RNGTT: variants seen among roughly 807,000 people sequenced by gnomAD.
RNGTT encodes the protein mRNA-capping enzyme.
In RNGTT, 33 loss-of-function variants were observed where a neutral mutation model predicts 79.3. That is an observed-to-expected ratio of 0.42 (90% confidence interval 0.32 to 0.56). The LOEUF (loss-of-function observed/expected upper bound fraction) is 0.56, where lower values mean the gene tolerates loss of function less well. Among genes scored for constraint, RNGTT ranks in the 20% least tolerant of loss-of-function variants. The pLI is 0.17. For missense variants in RNGTT, 497 were observed against 739.1 expected (o/e 0.67, Z 3.80); for synonymous variants, 222 against 235.9 (o/e 0.94, Z 0.54).
chr6:88,661,504 C>T (rs1582293854), intron 14 of RNGTT, among the ~76,000 whole-genome samples: 2 of 151,774 alleles, frequency 1.3e-5, no homozygotes, highest in South Asian at 2.1e-4. Flanking sequence ...CAACTGATAC[C>T]ACAGAAATAC....
intron 12 of RNGTT, among the ~76,000 whole-genome samples, chr6:88,774,732 T>C (rs1434412298): frequency 6.6e-6 from 1 of 152,282 alleles, no homozygotes; most frequent in African/African-American, 2.4e-5. Context: ...AAATATTGTA[T>C]GATTCCACTT....
At chr6:88,641,176 T>C (rs1013400843) in intron 14 of RNGTT, among the ~76,000 whole-genome samples, 2 of 151,826 alleles carry the variant, frequency 1.3e-5, no homozygotes, top group African/African-American at 2.4e-5. Context: ...CTGTCTCTAC[T>C]AAAAATACAA....
At chr6:88,841,943 C>A (rs1255856348) in intron 11 of RNGTT, among the ~76,000 whole-genome samples, 1 of 152,178 alleles carries the variant, frequency 6.6e-6, no homozygotes, top group Non-Finnish European at 1.5e-5. Context: ...AAGCATGGGA[C>A]CATGTGGTAT....
intron 8 of RNGTT, among the ~76,000 whole-genome samples, chr6:88,861,095 A>G (rs1484840140): frequency 2.6e-5 from 4 of 152,122 alleles, no homozygotes; most frequent in African/African-American, 4.8e-5. Context: ...TTTCTCTCAT[A>G]AGAATTCACT....
chr6:88,767,792 T>C (rs1027076533), intron 13 of RNGTT, among the ~76,000 whole-genome samples: 1 of 151,000 alleles, frequency 6.6e-6, no homozygotes, highest in Non-Finnish European at 1.5e-5. Context: ...GAAGAACATA[T>C]CAAACCTACA....
intron 13 of RNGTT, among the ~76,000 whole-genome samples, chr6:88,701,860 G>C (rs1775959362): frequency 1.3e-5 from 2 of 151,958 alleles, no homozygotes; most frequent in Non-Finnish European, 2.9e-5. Flanking sequence ...GGGCTTCAGT[G>C]AAGTTTCAGG....
At chr6:88,635,491 G>A (rs1773066156) in intron 14 of RNGTT, among the ~76,000 whole-genome samples, 1 of 152,024 alleles carries the variant, frequency 6.6e-6, no homozygotes, top group East Asian at 1.9e-4. Context: ...TGCCCTTACA[G>A]TCAAAATATG....
At chr6:88,838,058 G>C (rs1168312829) in intron 11 of RNGTT, among the ~76,000 whole-genome samples, 1 of 152,082 alleles carries the variant, frequency 6.6e-6, no homozygotes, top group Non-Finnish European at 1.5e-5. Context: ...AAAAGTAAGA[G>C]AGTTCGATAA....
chr6:88,864,231 C>A (rs186347832), intron 8 of RNGTT, among the ~76,000 whole-genome samples: 1 of 152,226 alleles, frequency 6.6e-6, no homozygotes, highest in African/African-American at 2.4e-5. Flanking sequence ...TAAATGATCA[C>A]ATCATGGTGA....
At chr6:88,730,616 C>T (rs895593218) in intron 13 of RNGTT, among the ~76,000 whole-genome samples, 3 of 152,224 alleles carry the variant, frequency 2.0e-5, no homozygotes, top group African/African-American at 4.8e-5. Context: ...TGACAGCAGG[C>T]GGAGCTCAGG....
chr6:88,771,315 G>GTATATATATATA lies in RNGTT; in HGVS notation c.1339-1453_1339-1442dup, dbSNP rs539282627. Among the ~76,000 whole-genome samples, 130 of 62,026 alleles carry GTATATATATATA rather than the reference G, an allele frequency of 2.1e-3. 1 individual carries two copies. The highest frequency in any genetic ancestry group is 8.9e-3 in the East Asian group (18 of 2,018). The allele number at this position is 62,026 out of a possible 152,430, so 40.7% of individuals were successfully genotyped here. On this transcript the variant is annotated intron_variant, in intron 12 of 15. Transcript: ENST00000369485. ...ACTGTATGTATGTATGTGTGTGTGT[G>GTATATATATATA]TATATATATATATATATATATATAT...
chr6:88,945,784 A>C (rs576241105), intron 1 of RNGTT, among the ~76,000 whole-genome samples: 2 of 152,284 alleles, frequency 1.3e-5, no homozygotes, highest in South Asian at 4.1e-4. Context: ...ATACGGGCCA[A>C]AGTTAGCTAT....
intron 8 of RNGTT, among the ~76,000 whole-genome samples, chr6:88,872,267 G>T (rs1782382227): frequency 6.6e-6 from 1 of 152,104 alleles, no homozygotes; most frequent in African/African-American, 2.4e-5. Context: ...GGTAAGAAAT[G>T]GAGGTCTCAT....
Position 88,918,096 on chromosome 6 carries a change from T to C in RNGTT, c.367+10889A>G, listed in dbSNP as rs142122043. 5.0e-3 allele frequency among the ~76,000 whole-genome samples: 758 copies of C among 152,214 alleles called. 5 individuals carry two copies. Among genetic ancestry groups the C allele is most frequent in the African/African-American group, 0.017 (698 of 41,532 alleles). On this transcript the variant is annotated intron_variant, in intron 4 of 15. Coordinates refer to ENST00000369485, the MANE Select transcript of RNGTT (RefSeq NM_003800.5). ...ACTTTAGGAGGCCGAGGCGGGAATA[T>C]CACTTGAGGCCAGGAGTTCAAGACC... is the stretch of plus-strand genomic sequence containing the variant.
intron 13 of RNGTT, among the ~76,000 whole-genome samples, chr6:88,698,313 ATGAAATATATATG>A (rs1775825581): frequency 7.4e-6 from 1 of 134,428 alleles, no homozygotes; most frequent in Non-Finnish European, 1.5e-5. Flanking sequence ...AAATATATAT[ATGAAATATATATG>A]AATTTTGGTA....
chr6:88,675,320 A>G (rs991966707), intron 14 of RNGTT, among the ~76,000 whole-genome samples: 2 of 152,198 alleles, frequency 1.3e-5, no homozygotes, highest in Non-Finnish European at 2.9e-5. Flanking sequence ...CTTTCCCACT[A>G]AGATAAGAAG....
intron 13 of RNGTT, among the ~76,000 whole-genome samples, chr6:88,738,867 CA>C (rs35131886): frequency 3.6e-4 from 55 of 151,676 alleles, no homozygotes; most frequent in Admixed American, 1.3e-3. Context: ...CACACACACA[CA>C]CCCCTTCCAA....
rs758427923 is a variant in RNGTT, at chr6:88,867,963, C to T, written c.897-14199G>A. On this transcript the variant is annotated intron_variant, in intron 8 of 15. Transcript: ENST00000369485. Reference sequence around the variant, plus strand: ...TTACTATAGGGTTTTCCTGTGCCTCCGGCTGGGAAAGCCCCTTAGGCTTAG... The same window carrying T: ...TTACTATAGGGTTTTCCTGTGCCTCTGGCTGGGAAAGCCCCTTAGGCTTAG... Among the ~76,000 whole-genome samples the T allele has an allele frequency of 4.6e-5, 7 of 152,134 alleles. No homozygotes were observed. In the South Asian group the frequency reaches 6.2e-4, roughly 13 times the overall value.
intron 13 of RNGTT, among the ~76,000 whole-genome samples, chr6:88,716,726 C>T (rs932691957): frequency 5.9e-5 from 9 of 152,042 alleles, no homozygotes; most frequent in African/African-American, 2.2e-4. Flanking sequence ...GACAAAAAAC[C>T]AAACACTGCA....
Sources: allele counts gnomAD v4.1 joint callset (sites outside exome capture counted in the v4.1 genomes callset), GRCh38; gene constraint gnomAD v4.1.1; transcripts MANE v1.5; gene names NCBI Gene and HGNC (gene_info 2026-07-23, HGNC 2026-07-21).